The following PIK3C2G variants were observed in gnomAD, a reference collection of about 807,000 sequenced individuals.
PIK3C2G encodes phosphatidylinositol-4-phosphate 3-kinase catalytic subunit type 2 gamma, also known as phosphatidylinositol 3-kinase C2 domain-containing subunit gamma.
Under a neutral mutation model 181.1 loss-of-function variants are expected in PIK3C2G, and 168 were observed. The ratio of observed to expected loss-of-function variants is 0.93; its 90% confidence interval spans 0.82 to 1.05. The LOEUF (loss-of-function observed/expected upper bound fraction) is 1.05. Ranked by LOEUF, PIK3C2G falls within the 50% of genes least tolerant of loss-of-function variation. PIK3C2G has a pLI of 0.00. For synonymous variants in PIK3C2G, 573 were observed against 592.2 expected (o/e 0.97, Z 0.47); for missense variants, 1,869 against 1,732.8 (o/e 1.08, Z -1.40).
chr12:18,669,440 G>A, the PIK3C2G span, among the ~76,000 whole-genome samples: 3 of 152,172 alleles, frequency 2.0e-5, no homozygotes, highest in Admixed American at 6.5e-5. Flanking sequence ...TATTATCAGT[G>A]AGAGTCTAAA....
At chr12:18,523,975 A>G (rs1165802635) in intron 24 of PIK3C2G, among the ~76,000 whole-genome samples, 1 of 152,130 alleles carries the variant, frequency 6.6e-6, no homozygotes, top group African/African-American at 2.4e-5. Context: ...CTCCATTATA[A>G]TGTTGTTGCT....
intron 26 of PIK3C2G, among the ~76,000 whole-genome samples, chr12:18,555,236 C>T (rs572145820): frequency 6.6e-6 from 1 of 152,266 alleles, no homozygotes; most frequent in Non-Finnish European, 1.5e-5. Context: ...TGCCTAAGAA[C>T]CTTGGTTCAA....
At chr12:18,706,336 A>C in the PIK3C2G span, among the ~76,000 whole-genome samples, 1 of 152,214 alleles carries the variant, frequency 6.6e-6, no homozygotes, top group African/African-American at 2.4e-5. Context: ...AAAAAGTAGC[A>C]TGCTATATTT....
At chr12:18,357,296 T>TGG (rs967920697) in intron 11 of PIK3C2G, among the ~76,000 whole-genome samples, 1 of 151,604 alleles carries the variant, frequency 6.6e-6, no homozygotes, top group Non-Finnish European at 1.5e-5. Flanking sequence ...TCAGGAGGTG[T>TGG]GGGTGTGTGT....
At chr12:18,664,856 A>G in the PIK3C2G span, among the ~76,000 whole-genome samples, 1 of 151,678 alleles carries the variant, frequency 6.6e-6, no homozygotes, top group Non-Finnish European at 1.5e-5. Context: ...TGTCCTTTGT[A>G]GGGACATGGA....
intron 31 of PIK3C2G, among the ~76,000 whole-genome samples, chr12:18,631,745 G>A (rs993938701): frequency 6.6e-6 from 1 of 152,116 alleles, no homozygotes; most frequent in South Asian, 2.1e-4. Flanking sequence ...CAAGGATGAG[G>A]GGGGCACCAG....
intron 31 of PIK3C2G, among the ~76,000 whole-genome samples, chr12:18,634,272 TGATA>T (rs1949492268): frequency 6.6e-6 from 1 of 152,146 alleles, no homozygotes; most frequent in Admixed American, 6.5e-5. Flanking sequence ...TGAAGCATGA[TGATA>T]GATCCCTTCT....
At position 18,286,893 on chromosome 12, in the gene PIK3C2G, A is replaced by G. The variant is rs1351136582; in HGVS notation, c.725A>G (p.Asn242Ser). 4 of 1,576,778 alleles carry G rather than the reference A, an allele frequency of 2.5e-6. No individual in the cohort carries two copies. The highest frequency in any genetic ancestry group is 3.6e-5 in the Admixed American group (2 of 55,184). Residue 242 changes from asparagine (N) to serine (S), a missense_variant, in exon 3 of 33, where the codon AAT becomes AGT. Coordinates refer to ENST00000538779, the MANE Select transcript of PIK3C2G (RefSeq NM_001288772.2). ...IQLVEVPQSS[N>S]TSLASFCNKV... The stretch of plus-strand genomic sequence containing the variant: ...CTAGTGGAAGTACCTCAAAGCAGCA[A>G]TACGAGTCTGGCCTCTTTTTGCAAC...
At chr12:18,399,131 C>G (rs1056921407) in intron 15 of PIK3C2G, among the ~76,000 whole-genome samples, 1 of 144,314 alleles carries the variant, frequency 6.9e-6, no homozygotes, top group Non-Finnish European at 1.5e-5. Context: ...GGAGGCGGAG[C>G]TTGCAGTGAG....
intron 8 of PIK3C2G, among the ~76,000 whole-genome samples, chr12:18,327,204 C>T (rs569309720): frequency 5.9e-5 from 9 of 152,112 alleles, no homozygotes; most frequent in East Asian, 5.8e-4. Context: ...ACAATGAGTT[C>T]TTTAATGAGA....
At chr12:18,701,764 TG>T in the PIK3C2G span, 1 of 1,602,136 alleles carries the variant, frequency 6.2e-7, no homozygotes, top group Non-Finnish European at 8.5e-7. Context: ...ACTAATATTT[TG>T]AATTTTAGTG....
chr12:18,705,538 C>T, the PIK3C2G span, among the ~76,000 whole-genome samples: 1 of 152,074 alleles, frequency 6.6e-6, no homozygotes, highest in African/African-American at 2.4e-5. Context: ...AGAATAGGAA[C>T]AACTGAAGCA....
the PIK3C2G span, among the ~76,000 whole-genome samples, chr12:18,677,277 T>A: frequency 2.0e-5 from 3 of 152,114 alleles, no homozygotes; most frequent in East Asian, 5.8e-4. Context: ...TGAGGAAAGA[T>A]GGCGAGCAAG....
chr12:18,409,814 T>G (rs1944753803), intron 16 of PIK3C2G, among the ~76,000 whole-genome samples: 1 of 152,028 alleles, frequency 6.6e-6, no homozygotes, highest in Admixed American at 6.6e-5. Context: ...TGTCTCATGG[T>G]TTTGTAGGCT....
At chr12:18,710,969 A>G in the PIK3C2G span, among the ~76,000 whole-genome samples, 82 of 152,230 alleles carry the variant, frequency 5.4e-4, no homozygotes, top group African/African-American at 1.9e-3. Context: ...TGTGGAAGTC[A>G]GTGTGGCGAT....
chr12:18,693,289 T>A, the PIK3C2G span: 2 of 1,523,738 alleles, frequency 1.3e-6, no homozygotes, highest in Non-Finnish European at 1.8e-6. Flanking sequence ...GATCCCCTGG[T>A]CACAGTGATG....
chr12:18,465,508 C>A (rs969075487), intron 18 of PIK3C2G, among the ~76,000 whole-genome samples: 2 of 151,640 alleles, frequency 1.3e-5, no homozygotes, highest in African/African-American at 4.8e-5. Context: ...AAACTCTGGC[C>A]CTTTTTATTT....
chr12:18,342,914 T>C (rs917848066), intron 9 of PIK3C2G, among the ~76,000 whole-genome samples: 1 of 152,138 alleles, frequency 6.6e-6, no homozygotes, highest in East Asian at 1.9e-4. Flanking sequence ...GAATCTGTAC[T>C]GATTTTGTCC....
the PIK3C2G span, among the ~76,000 whole-genome samples, chr12:18,676,774 T>A: frequency 1.6e-4 from 24 of 152,218 alleles, no homozygotes; most frequent in Non-Finnish European, 2.8e-4. Flanking sequence ...AGGTAATAGG[T>A]GTTAGAAAAA....
Sources: allele counts gnomAD v4.1 joint callset (sites outside exome capture counted in the v4.1 genomes callset), GRCh38; gene constraint gnomAD v4.1.1; transcripts MANE v1.5; gene names NCBI Gene and HGNC (gene_info 2026-07-23, HGNC 2026-07-21).